DEUP1: variants seen among roughly 807,000 people sequenced by gnomAD.
DEUP1 encodes the protein deuterosome assembly protein 1, also known as coiled-coil domain containing 67.
A neutral mutation model predicts 87.4 loss-of-function variants in DEUP1; 82 were observed. The observed-to-expected ratio is 0.94, with a 90% CI of 0.78 to 1.13. The LOEUF is 1.13. Ranked by LOEUF, DEUP1 falls within the 50% of genes most tolerant of loss-of-function variation. The pLI, the probability that DEUP1 is intolerant of heterozygous loss-of-function variation, is 0.00. For synonymous variants in DEUP1, 214 were observed against 222.7 expected (o/e 0.96, Z 0.35); for missense variants, 663 against 681.5 (o/e 0.97, Z 0.30).
intron 6 of DEUP1, 109 bp downstream of exon 6, chr11:93,370,295 C>A: frequency 4.4e-6 from 2 of 458,016 alleles, no homozygotes; most frequent in Non-Finnish European, 7.6e-6. Flanking sequence ...TAAGAAAAAA[C>A]GAGAGTAGGT....
intron 9 of DEUP1, among the ~76,000 whole-genome samples, chr11:93,393,370 G>A (rs1946833812): frequency 6.6e-6 from 1 of 150,804 alleles, no homozygotes; most frequent in Admixed American, 6.6e-5. Flanking sequence ...GTCTTGCTCT[G>A]TCACCCAGGC....
At chr11:93,360,435 C>A (rs945125895) in intron 4 of DEUP1, among the ~76,000 whole-genome samples, 19 of 152,070 alleles carry the variant, frequency 1.2e-4, no homozygotes, top group Non-Finnish European at 1.5e-5. Context: ...CCAAGAAGAT[C>A]TCAACTTGAA....
rs928072713 is a variant in DEUP1 at position 93,347,077 on chromosome 11, A to G, written c.30-8294A>G. Among the ~76,000 whole-genome samples, 9 of 152,042 alleles carry G rather than the reference A, an allele frequency of 5.9e-5. No homozygotes were observed. In the South Asian group the frequency reaches 1.5e-3, roughly 25 times the overall value. ...TGCCCTGGCCAGGACTTCCAATACTATGTTGAATAGGAGTGGTGGGAGAGG... is the reference window on the plus strand; with the variant it reads ...TGCCCTGGCCAGGACTTCCAATACTGTGTTGAATAGGAGTGGTGGGAGAGG... On this transcript the variant is annotated intron_variant, in intron 2 of 13. Coordinates refer to ENST00000298050, the MANE Select transcript of DEUP1 (RefSeq NM_181645.4).
intron 7 of DEUP1, among the ~76,000 whole-genome samples, chr11:93,377,663 G>T (rs1211875297): frequency 6.6e-6 from 1 of 152,078 alleles, no homozygotes; most frequent in East Asian, 1.9e-4. Flanking sequence ...CATGCTAGTT[G>T]TTGCCTGAAT....
At chr11:93,344,189 A>AT (rs1944218079) in intron 2 of DEUP1, among the ~76,000 whole-genome samples, 1 of 152,182 alleles carries the variant, frequency 6.6e-6, no homozygotes, top group Admixed American at 6.5e-5. Flanking sequence ...AGACGTATCT[A>AT]TGAAAGTGGG....
chr11:93,385,896 A>T (rs1946522036), intron 8 of DEUP1, among the ~76,000 whole-genome samples: 2 of 151,832 alleles, frequency 1.3e-5, no homozygotes, highest in South Asian at 2.1e-4. Context: ...CTTCAAAAAA[A>T]TTTTTTATTA....
At chr11:93,382,738 A>G (rs2134312947) in intron 7 of DEUP1, among the ~76,000 whole-genome samples, 1 of 152,340 alleles carries the variant, frequency 6.6e-6, no homozygotes, top group South Asian at 2.1e-4. Context: ...GCCTTCTTCA[A>G]CTGGGCAAAG....
chr11:93,336,243 A>G lies in DEUP1; in HGVS notation c.29+3955A>G, dbSNP rs201251704. 1.8e-4 allele frequency among the ~76,000 whole-genome samples: 28 copies of G among 152,132 alleles called. No homozygotes were observed. In the East Asian group the frequency reaches 4.8e-3, roughly 26 times the overall value. ...GTTTTATGTGGCCAGAGCAGGAGGG[A>G]GAGAGAGAGAAGGGGGGAGTTGCAT... On this transcript the variant is annotated intron_variant, in intron 2 of 13. Coordinates refer to ENST00000298050, the MANE Select transcript of DEUP1 (RefSeq NM_181645.4).
chr11:93,390,287 T>C (rs964650696), intron 9 of DEUP1, among the ~76,000 whole-genome samples: 1 of 152,198 alleles, frequency 6.6e-6, no homozygotes, highest in Non-Finnish European at 1.5e-5. Flanking sequence ...CAGTTGTTTG[T>C]ACAAATTTAA....
intron 2 of DEUP1, among the ~76,000 whole-genome samples, chr11:93,335,162 CAA>C (rs1238025242): frequency 2.0e-5 from 3 of 151,726 alleles, no homozygotes; most frequent in Non-Finnish European, 2.9e-5. Flanking sequence ...TTCTTTGACT[CAA>C]GAGATATTTA....
chr11:93,396,406 G>A, intron 11 of DEUP1, 81 bp downstream of exon 11: 1 of 844,606 alleles, frequency 1.2e-6, no homozygotes, highest in South Asian at 1.8e-5. Context: ...CATTTATTGA[G>A]CACTTGCTGT....
At chr11:93,380,413 G>T (rs1276487977) in intron 7 of DEUP1, among the ~76,000 whole-genome samples, 1 of 151,734 alleles carries the variant, frequency 6.6e-6, no homozygotes, top group African/African-American at 2.4e-5. Context: ...GTTTTGTTTT[G>T]TTTTTGAGAC....
chr11:93,340,763 G>A (rs1387076134), intron 2 of DEUP1, among the ~76,000 whole-genome samples: 2 of 152,174 alleles, frequency 1.3e-5, no homozygotes, highest in African/African-American at 2.4e-5. Context: ...ATGAACAAAG[G>A]ATGGTCCAAA....
chr11:93,373,605 T>TACACA lies in DEUP1; in HGVS notation c.789+2325_789+2326insACACA, dbSNP rs1565316134. On this transcript the variant is annotated intron_variant, in intron 7 of 13. Transcript: ENST00000298050. Reference sequence around the variant, plus strand: ...TACATATATATATACGTATATATATTTATATATGTATATATATACGTATAT... The same window carrying TACACA: ...TACATATATATATACGTATATATATTACACATATATATGTATATATATACGTATAT... Among the ~76,000 whole-genome samples, 131 of 128,684 alleles carry TACACA rather than the reference T, an allele frequency of 1.0e-3. 1 individual carries two copies. Among genetic ancestry groups the TACACA allele is most frequent in the African/African-American group, 3.7e-3 (123 of 32,946 alleles). The allele number at this position is 128,684 out of a possible 152,430, so 84.4% of individuals were successfully genotyped here. A position where few individuals can be genotyped will look rare whatever the true frequency, so the allele number is the denominator to read the frequency against.
intron 12 of DEUP1, 83 bp from the exon 13 acceptor site, chr11:93,414,917 C>T (rs901264821): frequency 2.9e-6 from 2 of 695,136 alleles, no homozygotes; most frequent in Non-Finnish European, 2.2e-6. Context: ...CCTACTTGGA[C>T]ATCTGAGAGA....
At chr11:93,398,937 G>T (rs1052763767) in intron 11 of DEUP1, among the ~76,000 whole-genome samples, 3 of 151,962 alleles carry the variant, frequency 2.0e-5, no homozygotes, top group Non-Finnish European at 4.4e-5. Context: ...TGGCCAGGTT[G>T]GTCTTGAACT....
intron 8 of DEUP1, among the ~76,000 whole-genome samples, 158 bp downstream of exon 8, chr11:93,385,701 T>A (rs1465724196): frequency 6.6e-6 from 1 of 152,156 alleles, no homozygotes; most frequent in East Asian, 1.9e-4. Flanking sequence ...AATTTATGGT[T>A]ATTTCATTTT....
intron 2 of DEUP1, among the ~76,000 whole-genome samples, chr11:93,346,020 G>C (rs926330018): frequency 6.6e-6 from 1 of 151,774 alleles, no homozygotes; most frequent in African/African-American, 2.4e-5. Context: ...TACAGCTTGA[G>C]TTAATTTTTG....
At chr11:93,341,278 G>A (rs1944059824) in intron 2 of DEUP1, among the ~76,000 whole-genome samples, 1 of 151,726 alleles carries the variant, frequency 6.6e-6, no homozygotes, top group African/African-American at 2.4e-5. Context: ...AATTAGCTGG[G>A]TGTGGTGGCA....
Sources: gnomAD v4.1 joint callset for allele counts (sites outside exome capture counted in the v4.1 genomes callset) on GRCh38, gnomAD v4.1.1 for gene constraint, MANE v1.5 for transcripts, NCBI Gene and HGNC (gene_info 2026-07-23, HGNC 2026-07-21) for gene names.